MAP4K3: variants seen among roughly 807,000 people sequenced by gnomAD.
The protein encoded by MAP4K3 is MAPK/ERK kinase kinase kinase 3.
A neutral mutation model predicts 143.5 loss-of-function variants in MAP4K3; 94 were observed. The ratio of observed to expected loss-of-function variants is 0.65; its 90% confidence interval spans 0.55 to 0.78. The LOEUF is 0.78. Ranked by LOEUF, MAP4K3 falls within the 30% of genes least tolerant of loss-of-function variation. The probability of loss-of-function intolerance (pLI) is 0.00; values close to 1 mark genes in which losing one functional copy is unlikely to be tolerated. For missense variants in MAP4K3, 1,077 were observed against 1,068.1 expected, an observed-to-expected ratio of 1.01 and a Z score of -0.12; for synonymous variants, 416 against 347.2, an observed-to-expected ratio of 1.20 and a Z score of -2.20.
intron 1 of MAP4K3, among the ~76,000 whole-genome samples, chr2:39,381,571 T>C (rs1666356340): frequency 6.8e-6 from 1 of 147,810 alleles, no homozygotes; most frequent in Non-Finnish European, 1.5e-5. Context: ...TCACAAATAC[T>C]TTTTTCCTAT....
rs924739752 is a variant in MAP4K3 at position 39,359,970 on chromosome 2, T to A, written c.155-3631A>T. Among the ~76,000 whole-genome samples the A allele has an allele frequency of 5.3e-5, 8 of 152,366 alleles. No homozygotes were observed. In the East Asian group the frequency reaches 1.3e-3, roughly 26 times the overall value. ...GTCTCTGAAATGCCCTGGAGACATG[T>A]TCCCCTTGTCTTAGTGATTAACATT... is the stretch of plus-strand genomic sequence containing the variant. On this transcript the variant is annotated intron_variant, in intron 2 of 33. Coordinates refer to ENST00000263881, the MANE Select transcript of MAP4K3 (RefSeq NM_003618.4).
Position 39,307,970 on chromosome 2 carries a change from T to G in MAP4K3, c.1092A>C (p.Glu364Asp). 1 of 1,592,470 alleles carries G rather than the reference T, an allele frequency of 6.3e-7. No homozygotes were observed. Among genetic ancestry groups the G allele is most frequent in the Non-Finnish European group, 8.5e-7 (1 of 1,170,006 alleles). Residue 364 changes from glutamate (E) to aspartate (D), a missense_variant, in exon 15 of 34, where the codon GAA (glutamate) becomes GAC (aspartate). Physicochemically the swap from Glu to Asp is conservative, Grantham distance 45. Coordinates refer to ENST00000263881, the MANE Select transcript of MAP4K3 (RefSeq NM_003618.4). Reference protein sequence around the residue: ...DSDGFLDSSEEIYYTARSNLD... With the variant: ...DSDGFLDSSEDIYYTARSNLD... Reference sequence around the variant, plus strand: ...GATTAGATCTTGCAGTGTAGTATATTTCTTCTGAACTGTCCAAAAAACCAT... The same window carrying G: ...GATTAGATCTTGCAGTGTAGTATATGTCTTCTGAACTGTCCAAAAAACCAT...
intron 5 of MAP4K3, among the ~76,000 whole-genome samples, chr2:39,337,307 G>A (rs1053675185): frequency 6.6e-6 from 1 of 152,060 alleles, no homozygotes; most frequent in African/African-American, 2.4e-5. Context: ...CAGATGCATA[G>A]TGCTTAAATT....
chr2:39,328,131 G>C (rs1683552965), intron 8 of MAP4K3, among the ~76,000 whole-genome samples: 1 of 152,196 alleles, frequency 6.6e-6, no homozygotes, highest in African/African-American at 2.4e-5. Flanking sequence ...AGGAGTTTGA[G>C]ACCAGCCTGG....
intron 8 of MAP4K3, among the ~76,000 whole-genome samples, chr2:39,327,597 A>G (rs1332660530): frequency 2.0e-5 from 3 of 152,238 alleles, no homozygotes; most frequent in Non-Finnish European, 1.5e-5. Context: ...TCTTCCTGGT[A>G]TGATTTCAGG....
intron 13 of MAP4K3, among the ~76,000 whole-genome samples, chr2:39,312,944 G>C (rs1299082446): frequency 1.3e-5 from 2 of 152,132 alleles, no homozygotes; most frequent in Admixed American, 6.5e-5. Flanking sequence ...TACAACCCCT[G>C]AGTGCAAGGA....
intron 1 of MAP4K3, among the ~76,000 whole-genome samples, chr2:39,387,256 T>TA (rs111281098): frequency 0.023 from 3,396 of 149,432 alleles, 69 homozygotes; most frequent in African/African-American, 0.056. Context: ...CTTGTCTGTT[T>TA]AAAAAAAAAA....
At chr2:39,306,849 G>C (rs1480967253) in intron 15 of MAP4K3, among the ~76,000 whole-genome samples, 1 of 152,182 alleles carries the variant, frequency 6.6e-6, no homozygotes, top group Non-Finnish European at 1.5e-5. Context: ...ATGGGCCCCA[G>C]AGCTCTTCTC....
chr2:39,378,959 TAA>T (rs1007088299), intron 1 of MAP4K3, among the ~76,000 whole-genome samples: 1 of 151,922 alleles, frequency 6.6e-6, no homozygotes, highest in Non-Finnish European at 1.5e-5. Context: ...TTTGTCAATT[TAA>T]GATATTTTAT....
intron 2 of MAP4K3, among the ~76,000 whole-genome samples, chr2:39,374,543 G>A (rs552628168): frequency 4.0e-5 from 6 of 151,780 alleles, no homozygotes; most frequent in South Asian, 2.1e-4. Context: ...TTAGCCGGGC[G>A]TGGTGGTGCA....
intron 16 of MAP4K3, among the ~76,000 whole-genome samples, chr2:39,296,687 A>G (rs1025705978): frequency 6.6e-6 from 1 of 152,186 alleles, no homozygotes; most frequent in Admixed American, 6.5e-5. Flanking sequence ...ATTACATTTC[A>G]AACCAACAAG....
chr2:39,358,288 A>G (rs773675557), intron 2 of MAP4K3, among the ~76,000 whole-genome samples: 1 of 152,204 alleles, frequency 6.6e-6, no homozygotes, highest in Non-Finnish European at 1.5e-5. Flanking sequence ...AAAGTCCTCT[A>G]GGATAGCATT....
At chr2:39,367,565 G>A (rs536300162) in intron 2 of MAP4K3, among the ~76,000 whole-genome samples, 2 of 151,544 alleles carry the variant, frequency 1.3e-5, no homozygotes, top group Admixed American at 1.3e-4. Context: ...AAAAGGAAAA[G>A]GAAAAAGAAA....
intron 3 of MAP4K3, among the ~76,000 whole-genome samples, chr2:39,354,540 C>A (rs937468181): frequency 6.6e-6 from 1 of 152,066 alleles, no homozygotes; most frequent in Non-Finnish European, 1.5e-5. Flanking sequence ...ATCTCTTGAA[C>A]CCGGGAAGTG....
intron 31 of MAP4K3, among the ~76,000 whole-genome samples, chr2:39,257,526 C>T (rs554308779): frequency 4.5e-4 from 68 of 152,192 alleles, no homozygotes; most frequent in African/African-American, 1.6e-3. Flanking sequence ...CAAGGCCAGG[C>T]GCGGTGGCTC....
intron 16 of MAP4K3, among the ~76,000 whole-genome samples, chr2:39,295,060 G>C (rs1428907937): frequency 1.3e-5 from 2 of 150,658 alleles, no homozygotes; most frequent in African/African-American, 2.4e-5. Context: ...GTAAAACAAT[G>C]CTACTTTTTT....
chr2:39,273,061 GAT>G (rs138178824), intron 24 of MAP4K3, among the ~76,000 whole-genome samples: 1 of 150,964 alleles, frequency 6.6e-6, no homozygotes, highest in Admixed American at 6.6e-5. Flanking sequence ...TCACAAAGCA[GAT>G]ATATATATAT....
chr2:39,312,940 C>A (rs1221835089), intron 13 of MAP4K3, among the ~76,000 whole-genome samples: 2 of 152,176 alleles, frequency 1.3e-5, no homozygotes, highest in Non-Finnish European at 2.9e-5. Flanking sequence ...ATTGTACAAC[C>A]CCTGAGTGCA....
intron 15 of MAP4K3, among the ~76,000 whole-genome samples, chr2:39,300,735 C>A (rs1416237070): frequency 6.6e-6 from 1 of 152,172 alleles, no homozygotes; most frequent in East Asian, 1.9e-4. Flanking sequence ...TTGGAGCAGC[C>A]GCCTTCCAAG....
Sources: gnomAD v4.1 joint callset for allele counts (sites outside exome capture counted in the v4.1 genomes callset) on GRCh38, gnomAD v4.1.1 for gene constraint, MANE v1.5 for transcripts, NCBI Gene and HGNC (gene_info 2026-07-23, HGNC 2026-07-21) for gene names.